The following COL6A5 variants were observed in gnomAD, a reference collection of about 807,000 sequenced individuals.
The protein encoded by COL6A5 is collagen alpha-5(VI) chain.
COL6A5 carries 48 observed loss-of-function variants against 65.6 expected under a neutral mutation model. The ratio of observed to expected loss-of-function variants is 0.73; its 90% CI spans 0.58 to 0.93. The LOEUF (loss-of-function observed/expected upper bound fraction) is 0.93, where lower values mean the gene tolerates loss of function less well. COL6A5 is among the 40% of genes least tolerant of loss of function. The probability of loss-of-function intolerance (pLI) is 0.00; values close to 1 mark genes in which losing one functional copy is unlikely to be tolerated. For missense variants in COL6A5, 914 were observed against 928.3 expected, an observed-to-expected ratio of 0.98 and a Z score of 0.20; for synonymous variants, 291 against 322.8, an observed-to-expected ratio of 0.90 and a Z score of 1.05.
In COL6A5 at chr3:130,432,280, C is replaced by T. The variant is rs149333367; in HGVS notation, c.487+331C>T. On this transcript the variant is annotated intron_variant, in intron 1 of 7. Transcript: ENST00000512836. ...TAAAAATGAGGAAACTGGGGCTGGGCGCGGTGGCTCATGCCTGTAATCCCA... is the reference window on the plus strand; with the variant it reads ...TAAAAATGAGGAAACTGGGGCTGGGTGCGGTGGCTCATGCCTGTAATCCCA... 2.6e-4 allele frequency among the ~76,000 whole-genome samples: 40 copies of T among 152,184 alleles called. No individual in the cohort carries two copies. In the East Asian group the frequency reaches 3.5e-3, roughly 13 times the overall value.
At chr3:130,356,214 A>C (rs79399881) in intron 1 of COL6A5, among the ~76,000 whole-genome samples, 1,567 of 152,312 alleles carry the variant, frequency 0.01, 17 homozygotes, top group South Asian at 0.081. Context: ...AATATGTTCC[A>C]CATTGAAGAG....
intron 23 of COL6A5, 78 bp downstream of exon 23, chr3:130,415,785 A>C: frequency 8.2e-7 from 1 of 1,221,208 alleles, no homozygotes; most frequent in Non-Finnish European, 1.1e-6. Context: ...CTTCACATAT[A>C]ATTTTTTGTA....
At chr3:130,367,615 T>C (rs1374229017) in intron 1 of COL6A5, among the ~76,000 whole-genome samples, 1 of 152,216 alleles carries the variant, frequency 6.6e-6, no homozygotes, top group East Asian at 1.9e-4. Context: ...GCAAGCTTTT[T>C]GTCTGTTTTG....
At chr3:130,354,343 G>T (rs1934841509) in intron 1 of COL6A5, among the ~76,000 whole-genome samples, 1 of 152,138 alleles carries the variant, frequency 6.6e-6, no homozygotes, top group South Asian at 2.1e-4. Flanking sequence ...CATTCTATAT[G>T]TGGCTTGTGT....
intron 1 of COL6A5, among the ~76,000 whole-genome samples, chr3:130,437,185 G>A (rs535634683): frequency 6.6e-6 from 1 of 151,988 alleles, no homozygotes; most frequent in South Asian, 2.1e-4. Flanking sequence ...GTGTGTGTTC[G>A]TGTATACAAA....
chr3:130,454,694 G>T (rs943444004), intron 4 of COL6A5, among the ~76,000 whole-genome samples: 2 of 152,102 alleles, frequency 1.3e-5, no homozygotes, highest in African/African-American at 4.8e-5. Context: ...TATTTTAAGA[G>T]GCACTGATAT....
intron 6 of COL6A5, among the ~76,000 whole-genome samples, chr3:130,389,618 A>G (rs1233382077): frequency 6.6e-6 from 1 of 151,684 alleles, no homozygotes; most frequent in Non-Finnish European, 1.5e-5. Context: ...ATTACTTCAC[A>G]TTATTATTCT....
intron 2 of COL6A5, among the ~76,000 whole-genome samples, chr3:130,374,847 G>A (rs1490671974): frequency 6.6e-6 from 1 of 152,178 alleles, no homozygotes; most frequent in East Asian, 1.9e-4. Context: ...GACTGTGTGA[G>A]TGTGTGTATG....
At chr3:130,417,484 A>T (rs1326170191) in intron 24 of COL6A5, among the ~76,000 whole-genome samples, 1 of 152,050 alleles carries the variant, frequency 6.6e-6, no homozygotes, top group Non-Finnish European at 1.5e-5. Flanking sequence ...GGAGAGAGTG[A>T]TCTCACCCAT....
rs76383732 is a variant in COL6A5 at position 130,378,109 on chromosome 3, G to A, written c.667+1273G>A. ...TGCAGTTCATCCAGCTGTGCTTGGA[G>A]TCTATGTTTTATGTGAATACGGTGT... is the stretch of plus-strand genomic sequence containing the variant. On this transcript the variant is annotated intron_variant and NMD_transcript_variant, in intron 3 of 41. Transcript: ENST00000312481. Among the ~76,000 whole-genome samples, 1,417 of 152,226 alleles carry A rather than the reference G, an allele frequency of 9.3e-3. 10 individuals carry two copies. The highest frequency in any genetic ancestry group is 0.07 in the South Asian group (335 of 4,820).
intron 1 of COL6A5, among the ~76,000 whole-genome samples, chr3:130,372,228 G>T (rs1045182225): frequency 6.6e-6 from 1 of 152,104 alleles, no homozygotes; most frequent in Admixed American, 6.5e-5. Flanking sequence ...ATGTAAAATA[G>T]TGTGGCCACT....
intron 1 of COL6A5, among the ~76,000 whole-genome samples, chr3:130,363,430 T>G (rs1935212869): frequency 6.6e-6 from 1 of 152,208 alleles, no homozygotes; most frequent in Admixed American, 6.5e-5. Flanking sequence ...GTTCCCGAGC[T>G]ATGAACTTTA....
At chr3:130,433,602 C>G (rs1322475284) in intron 1 of COL6A5, among the ~76,000 whole-genome samples, 1 of 152,098 alleles carries the variant, frequency 6.6e-6, no homozygotes, top group Non-Finnish European at 1.5e-5. Context: ...CTCTCTGTCC[C>G]CCTCTCTCAA....
At chr3:130,430,112 T>A (rs1937739885), upstream of COL6A5, among the ~76,000 whole-genome samples, 1 of 152,190 alleles carries the variant, frequency 6.6e-6, no homozygotes, top group Non-Finnish European at 1.5e-5. Flanking sequence ...CCAGTGGCTA[T>A]GTCAATTTCA....
chr3:130,391,596 G>A, exon 7 of COL6A5: 7 of 1,551,662 alleles, frequency 4.5e-6, no homozygotes, highest in Non-Finnish European at 6.1e-6. Context: ...AGAAACAAAG[G>A]CATCACCATC....
chr3:130,362,800 T>G (rs1216706804), intron 1 of COL6A5, among the ~76,000 whole-genome samples: 1 of 152,168 alleles, frequency 6.6e-6, no homozygotes, highest in Non-Finnish European at 1.5e-5. Flanking sequence ...TCTGATAACT[T>G]CCCTGGCTCT....
intron 6 of COL6A5, 64 bp from the exon 39 acceptor site, chr3:130,470,807 A>G: frequency 8.2e-7 from 1 of 1,212,326 alleles, no homozygotes; most frequent in Non-Finnish European, 1.2e-6. Context: ...ACATGATCTG[A>G]CTTTGGGTGA....
exon 8 of COL6A5, chr3:130,484,209 A>C: frequency 3.0e-6 from 2 of 661,692 alleles, no homozygotes; most frequent in Non-Finnish European, 4.9e-6. Context: ...TCTCCATCTC[A>C]AATCTTGAGG....
intron 10 of COL6A5, 108 bp downstream of exon 10, chr3:130,398,219 C>A (rs1476764503): frequency 6.7e-6 from 5 of 742,652 alleles, no homozygotes; most frequent in Non-Finnish European, 1.1e-5. Flanking sequence ...CAAGCTCCAC[C>A]TTCTGGGTTC....
Sources: gnomAD v4.1 joint callset for allele counts (sites outside exome capture counted in the v4.1 genomes callset) on GRCh38, gnomAD v4.1.1 for gene constraint, MANE v1.5 for transcripts, NCBI Gene and HGNC (gene_info 2026-07-23, HGNC 2026-07-21) for gene names.